The following CCDC90B variants were observed in gnomAD, a reference collection of about 807,000 sequenced individuals.
CCDC90B encodes coiled-coil domain-containing protein 90B, mitochondrial.
CCDC90B carries 24 observed loss-of-function variants against 37.0 expected under a neutral mutation model. That is an observed-to-expected ratio of 0.65 (90% CI 0.47 to 0.91). The LOEUF is 0.91. CCDC90B is among the 40% of genes least tolerant of loss of function. CCDC90B has a pLI of 0.00. For synonymous variants in CCDC90B, 113 were observed against 101.1 expected (o/e 1.12, Z -0.71); for missense variants, 319 against 299.0 (o/e 1.07, Z -0.49).
chr11:83,265,470 T>G (rs1013183066), intron 8 of CCDC90B, among the ~76,000 whole-genome samples: 1 of 152,202 alleles, frequency 6.6e-6, no homozygotes, highest in Non-Finnish European at 1.5e-5. Flanking sequence ...TTTCTGCTTG[T>G]GTTTATATAT....
chr11:83,282,997 C>T (rs759792061), intron 1 of CCDC90B, among the ~76,000 whole-genome samples: 1 of 152,212 alleles, frequency 6.6e-6, no homozygotes, highest in Non-Finnish European at 1.5e-5. Flanking sequence ...TTTCATGCTA[C>T]AGTGGCAAAG....
At chr11:83,276,683 T>C (rs1462933735) in intron 3 of CCDC90B, among the ~76,000 whole-genome samples, 1 of 152,166 alleles carries the variant, frequency 6.6e-6, no homozygotes, top group East Asian at 1.9e-4. Flanking sequence ...TTTTACCTCA[T>C]TCTTCCTTTA....
chr11:83,267,633 G>A (rs1041738879), intron 7 of CCDC90B, among the ~76,000 whole-genome samples: 9 of 152,196 alleles, frequency 5.9e-5, no homozygotes, highest in Non-Finnish European at 2.9e-5. Flanking sequence ...TCAAATCTAC[G>A]TTTGATTGGT....
intron 3 of CCDC90B, among the ~76,000 whole-genome samples, chr11:83,277,364 T>C (rs1865098294): frequency 6.6e-6 from 1 of 152,228 alleles, no homozygotes; most frequent in Non-Finnish European, 1.5e-5. Context: ...TAGTCTGTTA[T>C]GATCCTAAAA....
chr11:83,278,807 T>A lies in CCDC90B; in HGVS notation c.243A>T (p.Glu81Asp). 1 of 1,613,388 alleles carries A rather than the reference T, an allele frequency of 6.2e-7. No individual in the cohort carries two copies. Among genetic ancestry groups the A allele is most frequent in the Middle Eastern group, 1.7e-4 (1 of 5,988 alleles). Residue 81 changes from glutamate to aspartate, a missense_variant, in exon 3 of 9, where the codon GAA becomes GAT. Physicochemically the swap from Glu to Asp is conservative, Grantham distance 45. Coordinates refer to ENST00000529689, the MANE Select transcript of CCDC90B (RefSeq NM_021825.5). ...AAGCAGTTAACGCTGATACAATTGT[T>A]TCTGCTTGTGTTTTGTCAAATCCTG... ...ETHGFDKTQAETIVSALTALS... is the reference protein window; with the variant it reads ...ETHGFDKTQADTIVSALTALS...
In CCDC90B at chr11:83,273,571, T is replaced by C. The variant is rs993168099; in HGVS notation, c.594+76A>G. 7.0e-6 allele frequency: 8 copies of C among 1,136,790 alleles called. No homozygotes were observed. In the Admixed American group the frequency reaches 1.3e-4, roughly 19 times the overall value. 70.4% of individuals were successfully genotyped at this position (1,136,790 alleles called of 1,614,324 possible). The stretch of plus-strand genomic sequence containing the variant: ...GGTAGTTTTTAAAAGTCTAAACTTA[T>C]AAACTGGTACACATAAAAGCAGTTA... On this transcript the variant is annotated intron_variant, in intron 7 of 8. Transcript: ENST00000529689.
chr11:83,261,999 G>T, intron 8 of CCDC90B, 33 bp from the exon 9 acceptor site: 1 of 1,464,174 alleles, frequency 6.8e-7, no homozygotes, highest in Non-Finnish European at 9.4e-7. Context: ...TATAGGTCTT[G>T]TATCTGTAAT....
At chr11:83,271,053 G>A (rs1264817815) in intron 7 of CCDC90B, among the ~76,000 whole-genome samples, 5 of 152,152 alleles carry the variant, frequency 3.3e-5, no homozygotes, top group Admixed American at 1.3e-4. Context: ...AATGGTGCTG[G>A]GAAAACTGGC....
Position 83,273,968 on chromosome 11 carries a change from CT to C in CCDC90B, c.450del (p.Val151LeufsTer5). The C allele has an allele frequency of 6.3e-7, 1 of 1,583,200 alleles. No individual in the cohort carries two copies. Among genetic ancestry groups the C allele is most frequent in the Non-Finnish European group, 8.6e-7 (1 of 1,166,336 alleles). ...ENEKMKIELD[Q>X]VKQQLMHETS... ...TCACTTACCATTAGTTGTTGCTTAACTTGGTCTAATTCAATTTTCATTTTCT... is the reference window on the plus strand; with the variant it reads ...TCACTTACCATTAGTTGTTGCTTAACTGGTCTAATTCAATTTTCATTTTCT... On this transcript the variant is annotated frameshift_variant, in exon 5 of 9. Transcript: ENST00000529689. LOFTEE classifies it high-confidence loss of function.
At chr11:83,284,841 T>C (rs1300332588) in intron 1 of CCDC90B, among the ~76,000 whole-genome samples, 1 of 152,240 alleles carries the variant, frequency 6.6e-6, no homozygotes, top group Non-Finnish European at 1.5e-5. Flanking sequence ...TCAACAAAGA[T>C]GGCAGCTGGA....
chr11:83,274,636 C>G lies in CCDC90B; in HGVS notation c.426+3G>C, dbSNP rs550830189. On this transcript the variant is annotated splice_donor_region_variant and intron_variant, in intron 4 of 8. Coordinates refer to ENST00000529689, the MANE Select transcript of CCDC90B (RefSeq NM_021825.5). ...ATAAGTAATAAATTAAAATTTGTAT[C>G]ACCTCATTCTCTGCTCTCAGATTTG... is the stretch of plus-strand genomic sequence containing the variant. The G allele has an allele frequency of 8.9e-5, 138 of 1,559,308 alleles. 1 individual carries two copies. In the South Asian group the frequency reaches 1.5e-3, roughly 17 times the overall value.
At chr11:83,282,732 C>T (rs1025110848) in intron 1 of CCDC90B, among the ~76,000 whole-genome samples, 1 of 152,194 alleles carries the variant, frequency 6.6e-6, no homozygotes, top group African/African-American at 2.4e-5. Context: ...AATGTTTCTT[C>T]CTCTGGAAAG....
intron 8 of CCDC90B, among the ~76,000 whole-genome samples, chr11:83,264,806 T>A (rs982627162): frequency 6.6e-6 from 1 of 151,754 alleles, no homozygotes; most frequent in Non-Finnish European, 1.5e-5. Context: ...ATGTCCTTTG[T>A]AGGGACATGG....
At chr11:83,270,894 C>T (rs921149038) in intron 7 of CCDC90B, among the ~76,000 whole-genome samples, 1 of 152,168 alleles carries the variant, frequency 6.6e-6, no homozygotes, top group African/African-American at 2.4e-5. Context: ...CTACAGTAAC[C>T]AAAACAGCAT....
rs150150415 is a variant in CCDC90B, at chr11:83,261,573, C to T, written c.*338G>A. On this transcript the variant is annotated 3_prime_UTR_variant, in exon 9 of 9. Transcript: ENST00000529689. Reference sequence around the variant, plus strand: ...ATGGTTTACAAATATTCAACCAATACCCACAAAATCCTGTATGATTTACAC... The same window carrying T: ...ATGGTTTACAAATATTCAACCAATATCCACAAAATCCTGTATGATTTACAC... 111 of 174,540 alleles carry T rather than the reference C, an allele frequency of 6.4e-4. No individual in the cohort carries two copies. In the East Asian group the frequency reaches 0.014, roughly 23 times the overall value. The allele number at this position is 174,540 out of a possible 1,614,324, so 10.8% of individuals were successfully genotyped here. A position where few individuals can be genotyped will look rare whatever the true frequency, so the allele number is the denominator to read the frequency against.
At chr11:83,266,182 C>T (rs751644769) in intron 7 of CCDC90B, among the ~76,000 whole-genome samples, 8 of 152,176 alleles carry the variant, frequency 5.3e-5, no homozygotes, top group Non-Finnish European at 8.8e-5. Flanking sequence ...CAGCTCCCAG[C>T]GTGATCAACG....
In CCDC90B at chr11:83,265,918, G is replaced by A; in HGVS notation, c.656C>T (p.Ser219Phe). 1 of 1,612,644 alleles carries A rather than the reference G, an allele frequency of 6.2e-7. No homozygotes were observed. Residue 219 changes from serine (S) to phenylalanine (F), a missense_variant, in exon 8 of 9, where the codon TCC (serine) becomes TTC (phenylalanine). Coordinates refer to ENST00000529689, the MANE Select transcript of CCDC90B (RefSeq NM_021825.5). Reference protein sequence around the residue: ...TSNKIDAEIASLKTLMESNKL... With the variant: ...TSNKIDAEIAFLKTLMESNKL... ...GTTAGATTCCATCAGTGTTTTTAAG[G>A]AAGCAATTTCAGCGTCAATTTTATT...
At chr11:83,262,961 T>C (rs1211783573) in intron 8 of CCDC90B, among the ~76,000 whole-genome samples, 4 of 152,220 alleles carry the variant, frequency 2.6e-5, no homozygotes, top group Admixed American at 1.3e-4. Context: ...TTACACACAC[T>C]ACTTTATTTA....
At chr11:83,272,694 G>A (rs1864754659) in intron 7 of CCDC90B, among the ~76,000 whole-genome samples, 1 of 152,170 alleles carries the variant, frequency 6.6e-6, no homozygotes, top group Non-Finnish European at 1.5e-5. Context: ...CAAGAAGTAA[G>A]GGAAGAGAAT....
Sources: allele counts gnomAD v4.1 joint callset (sites outside exome capture counted in the v4.1 genomes callset), GRCh38; gene constraint gnomAD v4.1.1; transcripts MANE v1.5; gene names NCBI Gene and HGNC (gene_info 2026-07-23, HGNC 2026-07-21).